Variants in CXCL14 observed in about 807,000 individuals in gnomAD.
The protein encoded by CXCL14 is C-X-C motif chemokine 14.
In CXCL14, 9 loss-of-function variants were observed where a neutral mutation model predicts 16.1. The ratio of observed to expected loss-of-function variants is 0.56; its 90% confidence interval spans 0.34 to 0.97. CXCL14 has a LOEUF of 0.97. Among genes scored for constraint, CXCL14 ranks in the 50% least tolerant of loss-of-function variants. CXCL14 has a pLI of 0.02. For synonymous variants in CXCL14, 55 were observed against 52.8 expected, an observed-to-expected ratio of 1.04 and a Z score of -0.18; for missense variants, 111 against 132.5, an observed-to-expected ratio of 0.84 and a Z score of 0.80.
rs575216736 is a variant in CXCL14, at chr5:135,578,100, G to A, written c.170+334C>T. Among the ~76,000 whole-genome samples, 468 of 152,316 alleles carry A rather than the reference G, an allele frequency of 3.1e-3. 2 individuals carry two copies. The highest frequency in any genetic ancestry group is 6.8e-3 in the Middle Eastern group (2 of 294). Reference sequence around the variant, plus strand: ...TGTGTTTTAAGTGATTTCAGTCTAGGTTTTCTGAGTTGGCACAAGGGAACC... The same window carrying A: ...TGTGTTTTAAGTGATTTCAGTCTAGATTTTCTGAGTTGGCACAAGGGAACC... On this transcript the variant is annotated intron_variant, in intron 2 of 3. Coordinates refer to ENST00000512158, the MANE Select transcript of CXCL14 (RefSeq NM_004887.5).
intron 2 of CXCL14, among the ~76,000 whole-genome samples, chr5:135,575,370 G>A (rs1396974854): frequency 2.0e-5 from 3 of 152,332 alleles, no homozygotes; most frequent in East Asian, 3.9e-4. Context: ...CCCAGCAGAA[G>A]CCTAGCCATG....
chr5:135,578,423 C>A lies in CXCL14; in HGVS notation c.170+11G>T, dbSNP rs751757658. ...GTGCGCACCCCCTCAAGGTGAGGAG[C>A]GAGAACTCACATAACCATCTTCTCC... On this transcript the variant is annotated intron_variant, in intron 2 of 3. Transcript: ENST00000512158. The A allele has an allele frequency of 5.0e-6, 8 of 1,609,878 alleles. No homozygotes were observed. The Admixed American group carries it at 1.2e-4, about 23-fold the overall frequency.
chr5:135,578,913 CGG>C lies in CXCL14; in HGVS notation c.-137_-136del. 1 of 967,158 alleles carries C rather than the reference CGG, an allele frequency of 1.0e-6. No homozygotes were observed. The highest frequency in any genetic ancestry group is 3.1e-5 in the East Asian group (1 of 32,374). The allele number at this position is 967,158 out of a possible 1,614,324, so 59.9% of individuals were successfully genotyped here. ...GCGCGCCTTCCGGCTCTGCTGGCTC[CGG>C]CTGCGCCGTCGGTGGATGCCCAGGG... On this transcript the variant is annotated 5_prime_UTR_variant, in exon 1 of 4. Transcript: ENST00000512158.
At position 135,578,495 on chromosome 5, in the gene CXCL14, T is replaced by G; in HGVS notation, c.109A>C (p.Ser37Arg). ...CSRKGPKIRYSDVKKLEMKPK... is the reference protein window; with the variant it reads ...CSRKGPKIRYRDVKKLEMKPK... The stretch of plus-strand genomic sequence containing the variant: ...TTCATTTCCAGCTTCTTCACGTCGC[T>G]GTAGCGGATCTTGGGTCCCTTCCGG... Residue 37 changes from serine (S) to arginine (R), a missense_variant, in exon 2 of 4, where the codon AGC becomes CGC. Physicochemically the swap from Ser to Arg is moderately radical, Grantham distance 110 (BLOSUM62 -1). Transcript: ENST00000512158. 1 of 1,614,224 alleles carries G rather than the reference T, an allele frequency of 6.2e-7. No homozygotes were observed. Among genetic ancestry groups the G allele is most frequent in the Non-Finnish European group, 8.5e-7 (1 of 1,180,036 alleles).
chr5:135,571,923 C>A, intron 3 of CXCL14, 55 bp from the exon 4 acceptor site: 1 of 1,594,752 alleles, frequency 6.3e-7, no homozygotes, highest in Non-Finnish European at 8.6e-7. Context: ...AGGCCGTTCA[C>A]AAGATGCTGG....
Position 135,578,962 on chromosome 5 carries a change from G to C in CXCL14, c.-184C>G. 1 of 606,080 alleles carries C rather than the reference G, an allele frequency of 1.6e-6. No individual in the cohort carries two copies. The highest frequency in any genetic ancestry group is 2.7e-6 in the Non-Finnish European group (1 of 374,980). 37.5% of individuals were successfully genotyped at this position (606,080 alleles called of 1,614,324 possible). A position where few individuals can be genotyped will look rare whatever the true frequency, so the allele number is the denominator to read the frequency against. ...AGGGCTGTCTGTGGCCGTGCGCTGC[G>C]CTCTGCGCTTGTCTCCGCGCTCTCT... On this transcript the variant is annotated 5_prime_UTR_variant, in exon 1 of 4. Coordinates refer to ENST00000512158, the MANE Select transcript of CXCL14 (RefSeq NM_004887.5).
At chr5:135,577,036 A>T (rs1148360) in intron 2 of CXCL14, among the ~76,000 whole-genome samples, 1 of 152,044 alleles carries the variant, frequency 6.6e-6, no homozygotes, top group African/African-American at 2.4e-5. Flanking sequence ...AGCCTTTCTC[A>T]CACTTGCCTA....
At chr5:135,572,191 G>A (rs1751040214) in intron 3 of CXCL14, among the ~76,000 whole-genome samples, 1 of 152,156 alleles carries the variant, frequency 6.6e-6, no homozygotes, top group African/African-American at 2.4e-5. Flanking sequence ...TTTGCCCAGT[G>A]GCCACCGACT....
chr5:135,571,203 T>C lies in CXCL14; in HGVS notation c.*650A>G, dbSNP rs1359452077. ...GATCATTTGTCTCGCCATCACAGGATCTTGGAAATGTTTCCTAGGGTGTGT... is the reference window on the plus strand; with the variant it reads ...GATCATTTGTCTCGCCATCACAGGACCTTGGAAATGTTTCCTAGGGTGTGT... On this transcript the variant is annotated 3_prime_UTR_variant, in exon 4 of 4. Transcript: ENST00000512158. 6.6e-6 allele frequency: 1 copy of C among 152,262 alleles called. No individual in the cohort carries two copies. Among genetic ancestry groups the C allele is most frequent in the African/African-American group, 2.4e-5 (1 of 41,450 alleles). 9.4% of individuals were successfully genotyped at this position (152,262 alleles called of 1,614,324 possible).
chr5:135,578,573 T>C (rs753640621), intron 1 of CXCL14, 34 bp from the exon 2 acceptor site: 1 of 1,606,018 alleles, frequency 6.2e-7, no homozygotes, highest in South Asian at 1.1e-5. Flanking sequence ...GCTTAGTTGC[T>C]AGGCGGTCTC....
chr5:135,574,474 T>G (rs1751068797), intron 3 of CXCL14, 98 bp downstream of exon 3: 7 of 862,876 alleles, frequency 8.1e-6, no homozygotes. Flanking sequence ...TGTTCACATA[T>G]TAGATGGGGC....
rs1751010592 is a variant in CXCL14 at position 135,570,680 on chromosome 5, T to C, written c.*1173A>G. 1 of 152,356 alleles carries C rather than the reference T, an allele frequency of 6.6e-6. No homozygotes were observed. The highest frequency in any genetic ancestry group is 2.1e-4 in the South Asian group (1 of 4,822). 9.4% of individuals were successfully genotyped at this position (152,356 alleles called of 1,614,324 possible). A position where few individuals can be genotyped will look rare whatever the true frequency, so the allele number is the denominator to read the frequency against. ...TAGAAAAAAGGTGGCAGTCTAGAAT[T>C]TTGGTACATTTCAAATATATTTTAT... On this transcript the variant is annotated 3_prime_UTR_variant, in exon 4 of 4. Coordinates refer to ENST00000512158, the MANE Select transcript of CXCL14 (RefSeq NM_004887.5).
chr5:135,571,579 T>G lies in CXCL14; in HGVS notation c.*274A>C. The G allele has an allele frequency of 2.2e-6, 1 of 457,854 alleles. No individual in the cohort carries two copies. Among genetic ancestry groups the G allele is most frequent in the Non-Finnish European group, 3.8e-6 (1 of 261,472 alleles). 28.4% of individuals were successfully genotyped at this position (457,854 alleles called of 1,614,324 possible). A position where few individuals can be genotyped will look rare whatever the true frequency, so the allele number is the denominator to read the frequency against. On this transcript the variant is annotated 3_prime_UTR_variant, in exon 4 of 4. Coordinates refer to ENST00000512158, the MANE Select transcript of CXCL14 (RefSeq NM_004887.5). ...AAAGGAAAGGCATGAGTTTTCCCCT[T>G]TTTGATAAAAAGCAGCCTGTGATGA...
chr5:135,576,528 G>A (rs1751101184), intron 2 of CXCL14, among the ~76,000 whole-genome samples: 1 of 152,200 alleles, frequency 6.6e-6, no homozygotes, highest in Non-Finnish European at 1.5e-5. Context: ...AAAATCGGTT[G>A]TGGAGTGCAG....
At chr5:135,576,716 T>G (rs999669108) in intron 2 of CXCL14, among the ~76,000 whole-genome samples, 35 of 152,114 alleles carry the variant, frequency 2.3e-4, no homozygotes, top group Non-Finnish European at 3.1e-4. Flanking sequence ...GACTCCCACT[T>G]GCAAAGCGGA....
chr5:135,574,594 T>C lies in CXCL14; in HGVS notation c.262A>G (p.Asn88Asp), dbSNP rs781420160. Residue 88 changes from asparagine (N) to aspartate (D), a missense_variant, in exon 3 of 4, where the codon AAC becomes GAC. Physicochemically the swap from Asn to Asp is conservative, Grantham distance 23. Transcript: ENST00000512158. Reference sequence around the variant, plus strand: ...TACCTGCGCTTCTCGTTCCAGGCGTTGTACCACTTGATGAAGCGCTTGGTG... The same window carrying C: ...TACCTGCGCTTCTCGTTCCAGGCGTCGTACCACTTGATGAAGCGCTTGGTG... ...QSTKRFIKWY[N>D]AWNEKRRVYE... The C allele has an allele frequency of 1.2e-5, 19 of 1,613,118 alleles. No homozygotes were observed. The highest frequency in any genetic ancestry group is 1.7e-5 in the Admixed American group (1 of 60,010).
chr5:135,578,979 G>A lies in CXCL14; in HGVS notation c.-201C>T, dbSNP rs576469567. 90 of 563,202 alleles carry A rather than the reference G, an allele frequency of 1.6e-4. No homozygotes were observed. The highest frequency in any genetic ancestry group is 2.2e-4 in the Non-Finnish European group (75 of 337,782). 34.9% of individuals were successfully genotyped at this position (563,202 alleles called of 1,614,324 possible). A position where few individuals can be genotyped will look rare whatever the true frequency, so the allele number is the denominator to read the frequency against. On this transcript the variant is annotated 5_prime_UTR_variant, in exon 1 of 4. Coordinates refer to ENST00000512158, the MANE Select transcript of CXCL14 (RefSeq NM_004887.5). ...TGCGCTGCGCTCTGCGCTTGTCTCCGCGCTCTCTCCACAGCCTCCCTCCGC... is the reference window on the plus strand; with the variant it reads ...TGCGCTGCGCTCTGCGCTTGTCTCCACGCTCTCTCCACAGCCTCCCTCCGC...
chr5:135,574,495 G>C (rs1751069104), intron 3 of CXCL14, 77 bp downstream of exon 3: 2 of 1,148,800 alleles, frequency 1.7e-6, no homozygotes, highest in Admixed American at 3.9e-5. Context: ...TAGATGACCT[G>C]GTGGGGGGGT....
chr5:135,577,885 A>G (rs1580695265), intron 2 of CXCL14, among the ~76,000 whole-genome samples: 1 of 152,226 alleles, frequency 6.6e-6, no homozygotes, highest in East Asian at 1.9e-4. Flanking sequence ...GGGGACCCAC[A>G]AGGAGTACAG....
Sources: gnomAD v4.1 joint callset for allele counts (sites outside exome capture counted in the v4.1 genomes callset) on GRCh38, gnomAD v4.1.1 for gene constraint, MANE v1.5 for transcripts, NCBI Gene and HGNC (gene_info 2026-07-23, HGNC 2026-07-21) for gene names.